FER: variants seen among roughly 807,000 people sequenced by gnomAD.
FER encodes tyrosine-protein kinase Fer.
In FER, 63 loss-of-function variants were observed where a neutral mutation model predicts 111.0. The ratio of observed to expected loss-of-function variants is 0.57; its 90% CI spans 0.46 to 0.70. FER has a LOEUF of 0.70. Among genes scored for constraint, FER ranks in the 30% least tolerant of loss-of-function variants. The probability of loss-of-function intolerance (pLI) is 0.00; values close to 1 mark genes in which losing one functional copy is unlikely to be tolerated. For synonymous variants in FER, 327 were observed against 313.9 expected (o/e 1.04, Z -0.44); for missense variants, 914 against 954.0 (o/e 0.96, Z 0.55).
intron 17 of FER, among the ~76,000 whole-genome samples, chr5:109,175,468 T>A (rs1295359904): frequency 6.6e-6 from 1 of 152,134 alleles, no homozygotes; most frequent in African/African-American, 2.4e-5. Flanking sequence ...ATTGAAGACT[T>A]AAAATAAGAT....
intron 17 of FER, among the ~76,000 whole-genome samples, chr5:109,115,677 G>A (rs1396281452): frequency 6.6e-6 from 1 of 151,896 alleles, no homozygotes; most frequent in African/African-American, 2.4e-5. Flanking sequence ...TTGTTTGTTT[G>A]TTTGTTTGGC....
intron 16 of FER, among the ~76,000 whole-genome samples, chr5:109,064,135 A>G (rs1241118414): frequency 6.6e-6 from 1 of 152,218 alleles, no homozygotes; most frequent in South Asian, 2.1e-4. Context: ...TCCCAAAGCA[A>G]ATACAGATGG....
Position 109,128,120 on chromosome 5 carries a change from T to C in FER, c.2048+27601T>C, listed in dbSNP as rs146047227. Among the ~76,000 whole-genome samples the C allele has an allele frequency of 7.6e-3, 1,161 of 152,250 alleles. 10 individuals carry two copies. The highest frequency in any genetic ancestry group is 0.027 in the African/African-American group (1,127 of 41,530). On this transcript the variant is annotated intron_variant, in intron 17 of 19. Transcript: ENST00000281092. ...TGCTGAGCAGCTACAGTGTTGAAGG[T>C]TAAATTTATCCTAGCCATGAAAAAG...
chr5:109,043,928 G>T (rs1364454661), intron 14 of FER, among the ~76,000 whole-genome samples: 1 of 151,748 alleles, frequency 6.6e-6, no homozygotes, highest in Non-Finnish European at 1.5e-5. Context: ...CCGAGATTGT[G>T]CTGCTGCACT....
intron 17 of FER, among the ~76,000 whole-genome samples, chr5:109,124,618 T>TTGTTTTGC (rs1751441611): frequency 6.6e-6 from 1 of 151,776 alleles, no homozygotes; most frequent in African/African-American, 2.4e-5. Context: ...GTTGTTGTTG[T>TTGTTTTGC]TGTTTTGCTC....
chr5:109,186,295 C>G lies in FER; in HGVS notation c.2299C>G (p.Gln767Glu), dbSNP rs1758856453. The G allele has an allele frequency of 6.2e-7, 1 of 1,614,110 alleles. No individual in the cohort carries two copies. The highest frequency in any genetic ancestry group is 8.5e-7 in the Non-Finnish European group (1 of 1,180,002). The change falls in exon 19 of 20, where the codon CAG (glutamine) becomes GAG (glutamate). Residue 767 changes from glutamine (Q) to glutamate (E), a missense_variant. Gln to Glu is a conservative substitution (Grantham distance 29). Transcript: ENST00000281092. ...GVCPYPGMTN[Q>E]QAREQVERGY... ...TTGTCCGTACCCTGGAATGACAAATCAGCAAGCAAGAGAGCAAGTAGAAAG... is the reference window on the plus strand; with the variant it reads ...TTGTCCGTACCCTGGAATGACAAATGAGCAAGCAAGAGAGCAAGTAGAAAG...
intron 13 of FER, among the ~76,000 whole-genome samples, chr5:109,005,269 G>A (rs1765349701): frequency 6.6e-6 from 1 of 152,052 alleles, no homozygotes; most frequent in African/African-American, 2.4e-5. Flanking sequence ...AGTGAAGTCT[G>A]AGGAGTCAGC....
chr5:109,029,262 T>C (rs1769240893), intron 13 of FER, among the ~76,000 whole-genome samples: 1 of 149,930 alleles, frequency 6.7e-6, no homozygotes, highest in Admixed American at 6.6e-5. Context: ...TTTTTATTAT[T>C]ATACTTTAAG....
intron 5 of FER, among the ~76,000 whole-genome samples, chr5:108,839,362 G>C (rs1024173548): frequency 6.6e-6 from 1 of 152,108 alleles, no homozygotes; most frequent in African/African-American, 2.4e-5. Flanking sequence ...AAGTTAAAAG[G>C]AACCAAGTTA....
intron 13 of FER, among the ~76,000 whole-genome samples, chr5:108,987,298 T>A (rs1051874216): frequency 2.0e-5 from 3 of 152,044 alleles, no homozygotes; most frequent in Non-Finnish European, 4.4e-5. Context: ...ATACAAAAAT[T>A]AGCCGGGCAT....
At chr5:109,159,575 A>G (rs909434323) in intron 17 of FER, among the ~76,000 whole-genome samples, 2 of 152,216 alleles carry the variant, frequency 1.3e-5, no homozygotes, top group African/African-American at 4.8e-5. Flanking sequence ...TTATAAGACA[A>G]TAATTGTCAA....
intron 10 of FER, among the ~76,000 whole-genome samples, chr5:108,937,916 T>C (rs779675439): frequency 1.3e-5 from 2 of 151,478 alleles, no homozygotes; most frequent in Non-Finnish European, 3.0e-5. Flanking sequence ...GGGCAAGCAG[T>C]AGCTGGAACA....
intron 13 of FER, among the ~76,000 whole-genome samples, chr5:108,994,160 G>C (rs1340781174): frequency 6.6e-6 from 1 of 152,070 alleles, no homozygotes; most frequent in East Asian, 1.9e-4. Context: ...TGCTCTTGTT[G>C]CAATTGCTTT....
chr5:108,865,202 T>A lies in FER; in HGVS notation c.482-2565T>A, dbSNP rs567897437. Among the ~76,000 whole-genome samples the A allele has an allele frequency of 4.6e-5, 7 of 152,270 alleles. No homozygotes were observed. The South Asian group carries it at 1.5e-3, about 32-fold the overall frequency. ...ATGCTTGTGATTTTTGCACATTGATTTTGTATCCTGAGACTTTGCTGAAGT... is the reference window on the plus strand; with the variant it reads ...ATGCTTGTGATTTTTGCACATTGATATTGTATCCTGAGACTTTGCTGAAGT... On this transcript the variant is annotated intron_variant, in intron 5 of 19. Coordinates refer to ENST00000281092, the MANE Select transcript of FER (RefSeq NM_005246.4).
intron 17 of FER, among the ~76,000 whole-genome samples, chr5:109,179,850 C>T (rs1758106150): frequency 6.6e-6 from 1 of 152,100 alleles, no homozygotes; most frequent in Non-Finnish European, 1.5e-5. Context: ...TGGAACCAAT[C>T]ATGGATCCCA....
At chr5:108,829,802 G>A (rs1041464426) in intron 3 of FER, among the ~76,000 whole-genome samples, 4 of 151,604 alleles carry the variant, frequency 2.6e-5, no homozygotes, top group African/African-American at 7.3e-5. Context: ...ACATGGTACC[G>A]CCTTCATGGA....
chr5:108,879,641 G>T (rs1321027140), intron 8 of FER, among the ~76,000 whole-genome samples: 1 of 143,500 alleles, frequency 7.0e-6, no homozygotes, highest in African/African-American at 2.6e-5. Context: ...ATTTTTAAGG[G>T]GATAATGGTA....
At chr5:108,859,109 C>A (rs916278911) in intron 5 of FER, among the ~76,000 whole-genome samples, 1 of 152,092 alleles carries the variant, frequency 6.6e-6, no homozygotes, top group Non-Finnish European at 1.5e-5. Flanking sequence ...ATTTGCATTT[C>A]TACTAGAAAT....
intron 10 of FER, chr5:108,924,647 A>G (rs963243806): frequency 8.1e-7 from 1 of 1,231,806 alleles, no homozygotes; most frequent in Non-Finnish European, 1.0e-6. Context: ...ACTATCTCTT[A>G]GCTAAATTTT....
Sources: gnomAD v4.1 joint callset for allele counts (sites outside exome capture counted in the v4.1 genomes callset) on GRCh38, gnomAD v4.1.1 for gene constraint, MANE v1.5 for transcripts, NCBI Gene and HGNC (gene_info 2026-07-23, HGNC 2026-07-21) for gene names.